The following CSMD3 variants were observed in gnomAD, a reference collection of about 807,000 sequenced individuals.
CSMD3 encodes CUB and Sushi multiple domains 3.
A neutral mutation model predicts 435.2 loss-of-function variants in CSMD3; 177 were observed. The ratio of observed to expected loss-of-function variants is 0.41; its 90% CI spans 0.36 to 0.46. CSMD3 has a LOEUF of 0.46. Ranked by LOEUF, CSMD3 falls within the 20% of genes least tolerant of loss-of-function variation. The pLI is 0.34. For synonymous variants in CSMD3, 1,656 were observed against 1,520.5 expected (o/e 1.09, Z -2.07); for missense variants, 4,265 against 4,504.6 (o/e 0.95, Z 1.52).
chr8:112,593,489 T>G (rs1831379339), intron 22 of CSMD3, among the ~76,000 whole-genome samples: 1 of 152,182 alleles, frequency 6.6e-6, no homozygotes, highest in African/African-American at 2.4e-5. Flanking sequence ...GAATGTATTT[T>G]TGCACAAGAT....
chr8:113,158,730 G>T (rs2091981301), intron 4 of CSMD3, among the ~76,000 whole-genome samples: 1 of 151,426 alleles, frequency 6.6e-6, no homozygotes, highest in African/African-American at 2.4e-5. Flanking sequence ...TCTGATTTTG[G>T]TTTATATATA....
At chr8:112,974,729 A>G (rs1338561535) in intron 7 of CSMD3, among the ~76,000 whole-genome samples, 2 of 151,872 alleles carry the variant, frequency 1.3e-5, no homozygotes, top group Admixed American at 1.3e-4. Flanking sequence ...TATTTTCAGT[A>G]CAAATTCGAA....
intron 3 of CSMD3, among the ~76,000 whole-genome samples, chr8:113,221,710 T>C (rs1210196173): frequency 6.6e-6 from 1 of 151,234 alleles, no homozygotes; most frequent in East Asian, 1.9e-4. Flanking sequence ...CTTACATATT[T>C]TGCCCCTTAT....
chr8:113,150,282 A>G (rs1247088963), intron 4 of CSMD3, among the ~76,000 whole-genome samples: 1 of 151,968 alleles, frequency 6.6e-6, no homozygotes, highest in East Asian at 1.9e-4. Flanking sequence ...CTGACTTTAA[A>G]TTTAGGAAAA....
chr8:112,361,066 A>G lies in CSMD3; in HGVS notation c.6137-8532T>C, dbSNP rs543559223. Among the ~76,000 whole-genome samples, 76 of 152,090 alleles carry G rather than the reference A, an allele frequency of 5.0e-4. 1 individual carries two copies. Among genetic ancestry groups the G allele is most frequent in the African/African-American group, 1.8e-3 (74 of 41,558 alleles). On this transcript the variant is annotated intron_variant, in intron 38 of 70. Coordinates refer to ENST00000297405, the MANE Select transcript of CSMD3 (RefSeq NM_198123.2). ...CAAAATCAATAAGTTATTTGTAGGA[A>G]TCAATAAGAGAATTTTTTTGTAGAA...
intron 32 of CSMD3, among the ~76,000 whole-genome samples, chr8:112,432,437 G>C (rs1370095124): frequency 6.6e-6 from 1 of 152,054 alleles, no homozygotes; most frequent in Non-Finnish European, 1.5e-5. Flanking sequence ...CTAAGTGACT[G>C]AGACCACAGG....
intron 7 of CSMD3, among the ~76,000 whole-genome samples, chr8:112,969,394 TA>T (rs2084555670): frequency 6.6e-6 from 1 of 152,000 alleles, no homozygotes; most frequent in Non-Finnish European, 1.5e-5. Flanking sequence ...TAAAAACTGT[TA>T]AACTAGAGTT....
At chr8:113,318,899 G>A (rs1234966221) in intron 1 of CSMD3, among the ~76,000 whole-genome samples, 1 of 151,634 alleles carries the variant, frequency 6.6e-6, no homozygotes, top group Non-Finnish European at 1.5e-5. Context: ...TCCATTTTGT[G>A]TGTGAGTATG....
At position 112,857,014 on chromosome 8, in the gene CSMD3, G is replaced by C. The variant is rs540847560; in HGVS notation, c.1755+2131C>G. Among the ~76,000 whole-genome samples the C allele has an allele frequency of 2.0e-5, 3 of 151,812 alleles. No homozygotes were observed. The South Asian group carries it at 6.2e-4, about 31-fold the overall frequency. ...ATAATCAATGTTTTAATAATAAACA[G>C]ATTACATTCGACTAGAATGGAAAAT... is the stretch of plus-strand genomic sequence containing the variant. On this transcript the variant is annotated intron_variant, in intron 11 of 70. Coordinates refer to ENST00000297405, the MANE Select transcript of CSMD3 (RefSeq NM_198123.2).
chr8:113,173,184 C>G (rs2092295779), intron 4 of CSMD3, among the ~76,000 whole-genome samples: 1 of 152,044 alleles, frequency 6.6e-6, no homozygotes, highest in African/African-American at 2.4e-5. Flanking sequence ...ACAATGCATG[C>G]ATAACTATGC....
intron 70 of CSMD3, among the ~76,000 whole-genome samples, chr8:112,227,635 C>A (rs1331531158): frequency 6.6e-6 from 1 of 152,136 alleles, no homozygotes; most frequent in Non-Finnish European, 1.5e-5. Context: ...GATGATTATT[C>A]TTTATCTATT....
chr8:112,228,850 G>A lies in CSMD3; in HGVS notation c.10870C>T (p.His3624Tyr), dbSNP rs757947648. Residue 3624 changes from histidine (H) to tyrosine (Y), a missense_variant, in exon 70 of 71, where the codon CAT becomes TAT. Around this residue, in one of 3 missense-constraint regions of CSMD3, gnomAD observed 3,255 missense variants for 3,380.2 expected, o/e 0.96. Coordinates refer to ENST00000297405, the MANE Select transcript of CSMD3 (RefSeq NM_198123.2). ...GCTACAGAACTACTATTTGTACCAT[G>A]AGGTTGATTTGAAGAATTTGAACCT... ...SEGSNSSNQP[H>Y]GTNSSSVAIA... is the part of the protein sequence containing the mutation. 14 of 1,590,994 alleles carry A rather than the reference G, an allele frequency of 8.8e-6. No homozygotes were observed. The highest frequency in any genetic ancestry group is 2.7e-5 in the African/African-American group (2 of 74,096).
At chr8:112,597,848 G>A (rs1831892087) in intron 22 of CSMD3, among the ~76,000 whole-genome samples, 1 of 97,406 alleles carries the variant, frequency 1.0e-5, no homozygotes, top group African/African-American at 4.5e-5. Flanking sequence ...CAATAAATTA[G>A]GTATTGATGG....
chr8:113,300,204 G>T (rs1368681303), intron 2 of CSMD3, among the ~76,000 whole-genome samples: 1 of 149,630 alleles, frequency 6.7e-6, no homozygotes, highest in African/African-American at 2.5e-5. Context: ...TGAATGCGAA[G>T]AAAAGGGAAC....
rs552864498 is a variant in CSMD3, at chr8:113,256,909, G to T, written c.514+21683C>A. ...ATGCAGGCTCCTGAGCCCCACTCCA[G>T]ATGTGTAAAATAAGAATCAGCAGTT... On this transcript the variant is annotated intron_variant, in intron 3 of 70. Coordinates refer to ENST00000297405, the MANE Select transcript of CSMD3 (RefSeq NM_198123.2). Among the ~76,000 whole-genome samples, 4 of 152,250 alleles carry T rather than the reference G, an allele frequency of 2.6e-5. No individual in the cohort carries two copies. In the South Asian group the frequency reaches 8.3e-4, roughly 32 times the overall value.
intron 5 of CSMD3, among the ~76,000 whole-genome samples, chr8:113,064,344 C>T (rs932247282): frequency 6.6e-6 from 1 of 151,866 alleles, no homozygotes; most frequent in Non-Finnish European, 1.5e-5. Context: ...TTGTCCATTT[C>T]ATTAAAATAT....
chr8:113,376,335 A>T (rs1466626423), intron 1 of CSMD3, among the ~76,000 whole-genome samples: 5 of 152,104 alleles, frequency 3.3e-5, no homozygotes, highest in African/African-American at 1.2e-4. Context: ...ATAATTTGGT[A>T]TGTTTCTTAT....
At chr8:112,628,474 T>C (rs1834674180) in intron 22 of CSMD3, among the ~76,000 whole-genome samples, 1 of 152,076 alleles carries the variant, frequency 6.6e-6, no homozygotes, top group Non-Finnish European at 1.5e-5. Flanking sequence ...AGCAAATGCA[T>C]TATAGACTAA....
At chr8:113,174,480 GATAATA>G (rs1275715441) in intron 3 of CSMD3, among the ~76,000 whole-genome samples, 1 of 151,962 alleles carries the variant, frequency 6.6e-6, no homozygotes, top group African/African-American at 2.4e-5. Flanking sequence ...TACTACGAAT[GATAATA>G]ATAAGTGCAA....
Sources: gnomAD v4.1 joint callset for allele counts (sites outside exome capture counted in the v4.1 genomes callset) on GRCh38, gnomAD v4.1.1 for gene constraint, gnomAD v4.1.1 regional missense constraint, MANE v1.5 for transcripts, NCBI Gene and HGNC (gene_info 2026-07-23, HGNC 2026-07-21) for gene names.